ATG12: variants seen among roughly 807,000 people sequenced by gnomAD.
ATG12 encodes ubiquitin-like protein ATG12.
A neutral mutation model predicts 17.6 loss-of-function variants in ATG12; 19 were observed. The ratio of observed to expected loss-of-function variants is 1.08; its 90% CI spans 0.75 to 1.58. The LOEUF is 1.58. Among genes scored for constraint, ATG12 ranks in the 40% most tolerant of loss-of-function variants. ATG12 has a pLI of 0.00. For missense variants in ATG12, 214 were observed against 162.0 expected (o/e 1.32, Z -1.74); for synonymous variants, 75 against 62.4 (o/e 1.20, Z -0.95).
Position 115,830,231 on chromosome 5 carries a change from A to G in ATG12, c.*1573T>C, listed in dbSNP as rs139034616. The stretch of plus-strand genomic sequence containing the variant: ...ATTTAGCTAACCTTAGATTTAATAA[A>G]CTATTAAGTTATTTAGGTCAAAAAG... On this transcript the variant is annotated 3_prime_UTR_variant, in exon 4 of 4. Transcript: ENST00000509910. 28 of 152,032 alleles carry G rather than the reference A, an allele frequency of 1.8e-4. No individual in the cohort carries two copies. The East Asian group carries it at 5.4e-3, about 29-fold the overall frequency. 9.4% of individuals were successfully genotyped at this position (152,032 alleles called of 1,614,324 possible).
At chr5:115,838,657 TAAC>T (rs1050271711) in intron 1 of ATG12, 8 of 152,182 alleles carry the variant, frequency 5.3e-5, no homozygotes, top group Non-Finnish European at 1.2e-4. Flanking sequence ...AATAAGTTAT[TAAC>T]AATAGAACAA....
At position 115,829,131 on chromosome 5, in the gene ATG12, A is replaced by C. The variant is rs976445869; in HGVS notation, c.*2673T>G. On this transcript the variant is annotated 3_prime_UTR_variant, in exon 4 of 4. Transcript: ENST00000509910. ...TGTATTCAAATAGTAGTATTTGCTG[A>C]ACTGTTTTCTGAATAGTTTTCATTA... is the stretch of plus-strand genomic sequence containing the variant. The C allele has an allele frequency of 2.3e-4, 35 of 152,178 alleles. No individual in the cohort carries two copies. Among genetic ancestry groups the C allele is most frequent in the African/African-American group, 8.4e-4 (35 of 41,452 alleles). 9.4% of individuals were successfully genotyped at this position (152,178 alleles called of 1,614,324 possible). A position where few individuals can be genotyped will look rare whatever the true frequency, so the allele number is the denominator to read the frequency against.
rs1368964288 is a variant in ATG12 at position 115,830,225 on chromosome 5, T to C, written c.*1579A>G. 1.3e-5 allele frequency: 2 copies of C among 151,746 alleles called. No individual in the cohort carries two copies. The highest frequency in any genetic ancestry group is 3.9e-4 in the East Asian group (2 of 5,184). The allele number at this position is 151,746 out of a possible 1,614,324, so 9.4% of individuals were successfully genotyped here. The stretch of plus-strand genomic sequence containing the variant: ...CTACATATTTAGCTAACCTTAGATT[T>C]AATAAACTATTAAGTTATTTAGGTC... On this transcript the variant is annotated 3_prime_UTR_variant, in exon 4 of 4. Transcript: ENST00000509910.
At chr5:115,833,537 A>G (rs1256506117) in intron 2 of ATG12, 1 of 152,146 alleles carries the variant, frequency 6.6e-6, no homozygotes, top group East Asian at 1.9e-4. Context: ...GGCTTTACAA[A>G]TAATCTCTCA....
At position 115,837,715 on chromosome 5, in the gene ATG12, C is replaced by CT. The variant is rs1223593861; in HGVS notation, c.212dup (p.Lys72GlufsTer15). On this transcript the variant is annotated frameshift_variant, in exon 2 of 4. Coordinates refer to ENST00000509910, the MANE Select transcript of ATG12 (RefSeq NM_004707.4). LOFTEE classifies it high-confidence loss of function. ...TTCGTGTTCGCTCTACTGCCCACTT[C>CT]TTTGTTTTCATAATAGGAGTGTCTC... The CT allele has an allele frequency of 3.7e-6, 6 of 1,612,902 alleles. No homozygotes were observed. The highest frequency in any genetic ancestry group is 5.1e-6 in the Non-Finnish European group (6 of 1,179,660).
rs1306175429 is a variant in ATG12 at position 115,831,067 on chromosome 5, A to G, written c.*737T>C. 6.6e-6 allele frequency: 1 copy of G among 152,218 alleles called. No homozygotes were observed. The allele number at this position is 152,218 out of a possible 1,614,324, so 9.4% of individuals were successfully genotyped here. A position where few individuals can be genotyped will look rare whatever the true frequency, so the allele number is the denominator to read the frequency against. ...TTGACACCATATAAATGACAGAGTA[A>G]CACCACAGTTATGTGATTGGGACTC... is the stretch of plus-strand genomic sequence containing the variant. On this transcript the variant is annotated 3_prime_UTR_variant, in exon 4 of 4. Coordinates refer to ENST00000509910, the MANE Select transcript of ATG12 (RefSeq NM_004707.4).
At chr5:115,838,037 C>T (rs375220297) in intron 1 of ATG12, 1 of 277,836 alleles carries the variant, frequency 3.6e-6, no homozygotes. Context: ...AATACACAAA[C>T]AATATTTAAG....
chr5:115,838,376 A>C (rs893244085), intron 1 of ATG12: 2 of 152,312 alleles, frequency 1.3e-5, no homozygotes, highest in African/African-American at 4.8e-5. Flanking sequence ...AATAGAATGT[A>C]GTAAACCGCA....
Position 115,841,518 on chromosome 5 carries a change from G to C in ATG12, c.35C>G (p.Pro12Arg). ...AEEPQSVLQL[P>R]TSIAAGGEGL... ...TTCCCCTCCAGCAGCAATTGAAGTA[G>C]GAAGCTGCAACACAGACTGCGGCTC... The change falls in exon 1 of 4, where the codon CCT (proline) becomes CGT (arginine). Residue 12 changes from proline to arginine, a missense_variant. Coordinates refer to ENST00000509910, the MANE Select transcript of ATG12 (RefSeq NM_004707.4). The C allele has an allele frequency of 1.2e-6, 2 of 1,612,862 alleles. No individual in the cohort carries two copies. Among genetic ancestry groups the C allele is most frequent in the Non-Finnish European group, 1.7e-6 (2 of 1,179,544 alleles).
rs1182883179 is a variant in ATG12, at chr5:115,828,705, TA to T, written c.*3098del. On this transcript the variant is annotated 3_prime_UTR_variant, in exon 4 of 4. Coordinates refer to ENST00000509910, the MANE Select transcript of ATG12 (RefSeq NM_004707.4). ...TTTGTTTTTAGCTGTCATACTTTGC[TA>T]ATCACAATTTCATTCACTCGATGTG... The T allele has an allele frequency of 2.0e-5, 3 of 152,216 alleles. No homozygotes were observed. The highest frequency in any genetic ancestry group is 4.4e-5 in the Non-Finnish European group (3 of 68,020). The allele number at this position is 152,216 out of a possible 1,614,324, so 9.4% of individuals were successfully genotyped here. A position where few individuals can be genotyped will look rare whatever the true frequency, so the allele number is the denominator to read the frequency against.
At chr5:115,836,124 T>G (rs1761088616) in intron 2 of ATG12, among the ~76,000 whole-genome samples, 2 of 152,184 alleles carry the variant, frequency 1.3e-5, no homozygotes, top group Non-Finnish European at 2.9e-5. Flanking sequence ...TTCCTATTGC[T>G]TAAATGGGAA....
At chr5:115,836,547 C>T (rs975410847) in intron 2 of ATG12, among the ~76,000 whole-genome samples, 1 of 152,112 alleles carries the variant, frequency 6.6e-6, no homozygotes, top group Non-Finnish European at 1.5e-5. Flanking sequence ...TTTTTTGCTC[C>T]TCCCTGACAA....
intron 2 of ATG12, among the ~76,000 whole-genome samples, chr5:115,836,938 T>C (rs1404791443): frequency 6.6e-6 from 1 of 152,240 alleles, no homozygotes; most frequent in Non-Finnish European, 1.5e-5. Flanking sequence ...CATGAAGTAT[T>C]TCCTAGTTCT....
At position 115,837,703 on chromosome 5, in the gene ATG12, T is replaced by C; in HGVS notation, c.225A>G (p.Val75=). The C allele has an allele frequency of 1.2e-6, 2 of 1,613,372 alleles. No homozygotes were observed. The highest frequency in any genetic ancestry group is 1.1e-5 in the South Asian group (1 of 90,982). Residue 75 remains valine (V), a synonymous_variant, in exon 2 of 4, where the codon GTA becomes GTG. Transcript: ENST00000509910. The part of the protein sequence containing the change: ...TPIMKTKKWA[V]ERTRTIQGLI... The stretch of plus-strand genomic sequence containing the variant: ...GTCCTTGGATGGTTCGTGTTCGCTC[T>C]ACTGCCCACTTCTTTGTTTTCATAA...
At position 115,841,194 on chromosome 5, in the gene ATG12, T is replaced by C. The variant is rs559307732; in HGVS notation, c.163+196A>G. The C allele has an allele frequency of 1.0e-4, 65 of 645,662 alleles. 1 individual carries two copies. Among genetic ancestry groups the C allele is most frequent in the South Asian group, 8.0e-4 (48 of 59,808 alleles). The allele number at this position is 645,662 out of a possible 1,614,324, so 40.0% of individuals were successfully genotyped here. A position where few individuals can be genotyped will look rare whatever the true frequency, so the allele number is the denominator to read the frequency against. On this transcript the variant is annotated intron_variant, in intron 1 of 3. Transcript: ENST00000509910. Reference sequence around the variant, plus strand: ...AGCCAAGTATCAGGCCCTACACCGATAGACAGAGATGGTATTTTAACACTC... The same window carrying C: ...AGCCAAGTATCAGGCCCTACACCGACAGACAGAGATGGTATTTTAACACTC...
Position 115,831,822 on chromosome 5 carries a change from C to T in ATG12, c.405G>A (p.Lys135=). The stretch of plus-strand genomic sequence containing the variant: ...TTGTGGTTCATCCCCACGCCTGAGA[C>T]TTGCAGTAATGTAAAACCAGTTTAC... The part of the protein sequence containing the change: ...SDGKLVLHYC[K]SQAWG Residue 135 remains lysine, a synonymous_variant, in exon 4 of 4, where the codon AAG becomes AAA. Transcript: ENST00000509910. The T allele has an allele frequency of 5.6e-6, 9 of 1,612,472 alleles. No individual in the cohort carries two copies. Among genetic ancestry groups the T allele is most frequent in the East Asian group, 2.2e-5 (1 of 44,832 alleles).
chr5:115,831,459 C>A lies in ATG12; in HGVS notation c.*345G>T. On this transcript the variant is annotated 3_prime_UTR_variant, in exon 4 of 4. Coordinates refer to ENST00000509910, the MANE Select transcript of ATG12 (RefSeq NM_004707.4). ...AACCCTTTAGTATATTAACTTTTAC[C>A]ATGAAAACAATTTCAGTCATTTTGA... 2.4e-5 allele frequency: 7 copies of A among 295,708 alleles called. No individual in the cohort carries two copies. The highest frequency in any genetic ancestry group is 5.1e-5 in the Admixed American group (1 of 19,656). The allele number at this position is 295,708 out of a possible 1,614,324, so 18.3% of individuals were successfully genotyped here.
At chr5:115,837,857 T>C in intron 1 of ATG12, 93 bp from the exon 2 acceptor site, 1 of 1,028,488 alleles carries the variant, frequency 9.7e-7, no homozygotes. Flanking sequence ...ATATTTAATC[T>C]ACATCCATCT....
At chr5:115,837,540 T>C in intron 2 of ATG12, 88 bp downstream of exon 2, 1 of 1,357,122 alleles carries the variant, frequency 7.4e-7, no homozygotes, top group Non-Finnish European at 1.0e-6. Context: ...TGTGGCTCCA[T>C]ATGCATTTCT....
Sources: gnomAD v4.1 joint callset for allele counts (sites outside exome capture counted in the v4.1 genomes callset) on GRCh38, gnomAD v4.1.1 for gene constraint, MANE v1.5 for transcripts, NCBI Gene and HGNC (gene_info 2026-07-23, HGNC 2026-07-21) for gene names.